LARGE1: variants seen among roughly 807,000 people sequenced by gnomAD.
LARGE1 encodes the protein LARGE xylosyl- and glucuronyltransferase 1.
Under a neutral mutation model 87.6 loss-of-function variants are expected in LARGE1, and 43 were observed. That is an observed-to-expected ratio of 0.49 (90% CI 0.38 to 0.63). LARGE1 has a LOEUF of 0.63. Ranked by LOEUF, LARGE1 falls within the 30% of genes least tolerant of loss-of-function variation. The pLI is 0.00. For missense variants in LARGE1, 802 were observed against 1,000.2 expected (o/e 0.80, Z 2.67); for synonymous variants, 434 against 394.6 (o/e 1.10, Z -1.18).
chr22:33,639,196 C>T (rs1164580565), intron 3 of LARGE1, among the ~76,000 whole-genome samples: 1 of 152,146 alleles, frequency 6.6e-6, no homozygotes, highest in Non-Finnish European at 1.5e-5. Flanking sequence ...TGAGGAAGCT[C>T]AAACTAGCCC....
chr22:33,582,786 G>C (rs1227834089), intron 5 of LARGE1, among the ~76,000 whole-genome samples: 15 of 152,202 alleles, frequency 9.9e-5, no homozygotes, highest in Admixed American at 8.5e-4. Context: ...CTTGGCATCT[G>C]AGCCCAAATG....
At chr22:33,578,390 A>T (rs2078413917) in intron 5 of LARGE1, among the ~76,000 whole-genome samples, 1 of 152,216 alleles carries the variant, frequency 6.6e-6, no homozygotes, top group African/African-American at 2.4e-5. Context: ...AAAGTGAGTC[A>T]TTTATCTAAA....
chr22:33,569,259 G>A (rs1335320178), intron 5 of LARGE1, among the ~76,000 whole-genome samples: 4 of 152,198 alleles, frequency 2.6e-5, no homozygotes, highest in Non-Finnish European at 4.4e-5. Flanking sequence ...CAAAGCAGGA[G>A]AGCTGGGTGA....
At chr22:33,323,337 ATGCTAAATGTTTTCAGGTGCAT>A (rs1369137248) in intron 10 of LARGE1, among the ~76,000 whole-genome samples, 8 of 152,202 alleles carry the variant, frequency 5.3e-5, no homozygotes, top group African/African-American at 1.4e-4. Flanking sequence ...GACTGGCGCA[ATGCTAAATGTTTTCAGGTGCAT>A]TGCTTCATCA....
chr22:33,446,388 C>T (rs995681076), intron 6 of LARGE1, among the ~76,000 whole-genome samples: 2 of 152,172 alleles, frequency 1.3e-5, no homozygotes, highest in African/African-American at 4.8e-5. Flanking sequence ...GCTATGGAAA[C>T]CTCTGACTTT....
intron 2 of LARGE1, among the ~76,000 whole-genome samples, chr22:33,654,325 G>C (rs948885995): frequency 2.0e-5 from 3 of 152,284 alleles, no homozygotes; most frequent in East Asian, 3.9e-4. Flanking sequence ...CCATTATCTT[G>C]AGCCGGCCCC....
chr22:33,742,011 A>G (rs76100936), intron 2 of LARGE1, among the ~76,000 whole-genome samples: 3,865 of 152,290 alleles, frequency 0.025, 128 homozygotes, highest in African/African-American at 0.078. Context: ...GTGTTTCTGC[A>G]GTTCATTTAA....
the LARGE1 span, among the ~76,000 whole-genome samples, chr22:33,121,526 A>G: frequency 7.9e-5 from 12 of 152,310 alleles, 2 homozygotes; most frequent in African/African-American, 2.9e-4. Flanking sequence ...GGCCATTCCC[A>G]AAAAGGCACT....
At chr22:33,526,560 A>G (rs2071906114) in intron 6 of LARGE1, among the ~76,000 whole-genome samples, 1 of 152,248 alleles carries the variant, frequency 6.6e-6, no homozygotes, top group African/African-American at 2.4e-5. Context: ...TCTGTAGTGT[A>G]CAAGATTCAG....
the LARGE1 span, among the ~76,000 whole-genome samples, chr22:33,087,631 T>C: frequency 2.0e-5 from 3 of 152,210 alleles, no homozygotes; most frequent in African/African-American, 7.2e-5. Flanking sequence ...AATTTAAATC[T>C]AAATTAATAA....
At chr22:33,501,022 T>G (rs2148364530) in intron 6 of LARGE1, among the ~76,000 whole-genome samples, 1 of 152,236 alleles carries the variant, frequency 6.6e-6, no homozygotes, top group South Asian at 2.1e-4. Context: ...CATGGAAGGC[T>G]TCCTGGACAG....
chr22:33,762,139 G>A (rs914377314), intron 1 of LARGE1, among the ~76,000 whole-genome samples: 5 of 148,170 alleles, frequency 3.4e-5, no homozygotes, highest in Admixed American at 6.8e-5. Context: ...ACTTGAACCT[G>A]GGAGGCGGAG....
intron 1 of LARGE1, among the ~76,000 whole-genome samples, chr22:33,802,988 T>A (rs759612478): frequency 6.6e-6 from 1 of 152,054 alleles, no homozygotes; most frequent in South Asian, 2.1e-4. Flanking sequence ...AGACAGACAA[T>A]TGGATGGACA....
chr22:33,697,537 T>C (rs1283574567), intron 2 of LARGE1, among the ~76,000 whole-genome samples: 2 of 107,368 alleles, frequency 1.9e-5, no homozygotes, highest in African/African-American at 7.6e-5. Context: ...GCGACAAAGC[T>C]AGACTCTGTC....
At chr22:33,642,709 G>GAAAAAA (rs2080477002) in intron 3 of LARGE1, among the ~76,000 whole-genome samples, 6 of 11,168 alleles carry the variant, frequency 5.4e-4, no homozygotes, top group Non-Finnish European at 8.0e-4. Context: ...CAAATGGAAA[G>GAAAAAA]CAAAAAAAAA....
intron 11 of LARGE1, among the ~76,000 whole-genome samples, chr22:33,190,857 T>G (rs933588928): frequency 1.3e-5 from 2 of 152,224 alleles, no homozygotes; most frequent in African/African-American, 4.8e-5. Flanking sequence ...CTTTCTCTTT[T>G]CTAGTCAAGG....
chr22:33,519,997 T>C (rs1164146640), intron 6 of LARGE1, among the ~76,000 whole-genome samples: 1 of 145,774 alleles, frequency 6.9e-6, no homozygotes, highest in Non-Finnish European at 1.5e-5. Context: ...GTGGTTTTTC[T>C]CTTTTTTTTT....
intron 1 of LARGE1, among the ~76,000 whole-genome samples, chr22:33,918,159 T>C (rs192595075): frequency 6.6e-6 from 1 of 152,282 alleles, no homozygotes; most frequent in Admixed American, 6.5e-5. Flanking sequence ...GAAAAAAACC[T>C]TTCATTTCAT....
chr22:33,499,315 A>T (rs1209506265), intron 6 of LARGE1, among the ~76,000 whole-genome samples: 1 of 152,190 alleles, frequency 6.6e-6, no homozygotes, highest in Non-Finnish European at 1.5e-5. Context: ...TTCGGTTTAG[A>T]TGGGACTGAC....
Sources: gnomAD v4.1 joint callset for allele counts (sites outside exome capture counted in the v4.1 genomes callset) on GRCh38, gnomAD v4.1.1 for gene constraint, MANE v1.5 for transcripts, NCBI Gene and HGNC (gene_info 2026-07-23, HGNC 2026-07-21) for gene names.